Variants in TSFM observed in about 807,000 individuals in gnomAD.
TSFM encodes the protein elongation factor Ts, mitochondrial.
In TSFM, 29 loss-of-function variants were observed where a neutral mutation model predicts 33.4. That is an observed-to-expected ratio of 0.87 (90% CI 0.65 to 1.18). The LOEUF (loss-of-function observed/expected upper bound fraction) is 1.18, where lower values mean the gene tolerates loss of function less well. Among genes scored for constraint, TSFM ranks in the 50% most tolerant of loss-of-function variants. TSFM has a pLI of 0.00. For missense variants in TSFM, 394 were observed against 395.6 expected (o/e 1.00, Z 0.04); for synonymous variants, 178 against 163.5 (o/e 1.09, Z -0.68).
At position 57,793,592 on chromosome 12, in the gene TSFM, T is replaced by C. The variant is rs556297964; in HGVS notation, c.571+519T>C. On this transcript the variant is annotated intron_variant, in intron 5 of 5. Coordinates refer to ENST00000652027, the MANE Select transcript of TSFM (RefSeq NM_005726.6). ...ATTGCCAAGCTGTAACCAATTGTTATATCTAGGGAAACGGAGTCCTGGGGT... is the reference window on the plus strand; with the variant it reads ...ATTGCCAAGCTGTAACCAATTGTTACATCTAGGGAAACGGAGTCCTGGGGT... 5.6e-4 allele frequency among the ~76,000 whole-genome samples: 85 copies of C among 152,330 alleles called. 1 individual carries two copies. The highest frequency in any genetic ancestry group is 2.0e-3 in the African/African-American group (82 of 41,584).
rs910332537 is a variant in TSFM, at chr12:57,796,951, C to G, written c.*368C>G. 1.0e-6 allele frequency: 1 copy of G among 989,844 alleles called. No individual in the cohort carries two copies. Among genetic ancestry groups the G allele is most frequent in the Non-Finnish European group, 1.2e-6 (1 of 833,090 alleles). 61.3% of individuals were successfully genotyped at this position (989,844 alleles called of 1,614,324 possible). A position where few individuals can be genotyped will look rare whatever the true frequency, so the allele number is the denominator to read the frequency against. On this transcript the variant is annotated 3_prime_UTR_variant, in exon 6 of 6. Transcript: ENST00000652027. ...GTTTTTGCTTTGCGACACTGTGAAC[C>G]GTGCTTCTGCCTCGGAACCTCCCTA...
chr12:57,784,916 CTTTTTTTTTTT>C (rs1164168295), intron 2 of TSFM, among the ~76,000 whole-genome samples: 3 of 79,152 alleles, frequency 3.8e-5, no homozygotes, highest in African/African-American at 1.4e-4. Flanking sequence ...ATTGAAATAT[CTTTTTTTTTTT>C]TTTTTTTTTT....
Position 57,783,110 on chromosome 12 carries a change from G to C in TSFM, c.58G>C (p.Ala20Pro), listed in dbSNP as rs751714956. The C allele has an allele frequency of 6.8e-6, 11 of 1,608,316 alleles. No individual in the cohort carries two copies. The South Asian group carries it at 1.2e-4, about 18-fold the overall frequency. ...CTCATCCCTTTCTTATCTCATCTAG[G>C]CTGGGTCTCTTCTGCGTCAGTCGCC... is the stretch of plus-strand genomic sequence containing the variant. ...FLVARTGSYPAGSLLRQSPQP... is the reference protein window; with the variant it reads ...FLVARTGSYPPGSLLRQSPQP... Residue 20 changes from alanine to proline, a missense_variant and splice_region_variant, in exon 2 of 6, where the codon GCT (alanine) becomes CCT (proline). Ala to Pro is a conservative substitution (Grantham distance 27, BLOSUM62 -1). Transcript: ENST00000652027.
rs774870834 is a variant in TSFM, at chr12:57,783,128, C to T, written c.76C>T (p.Gln26Ter). The T allele has an allele frequency of 1.2e-6, 2 of 1,611,120 alleles. No individual in the cohort carries two copies. Among genetic ancestry groups the T allele is most frequent in the Non-Finnish European group, 1.7e-6 (2 of 1,179,670 alleles). The part of the protein sequence containing the change: ...GSYPAGSLLR[Q>*]SPQPRHTFYA... ...CATCTAGGCTGGGTCTCTTCTGCGT[C>T]AGTCGCCCCAGCCAAGGCACACATT... Residue 26 changes from glutamine to a stop codon, truncating the protein, a stop_gained, in exon 2 of 6, where the codon CAG becomes TAG. Transcript: ENST00000652027. LOFTEE classifies it high-confidence loss of function.
At chr12:57,791,050 G>C (rs1955656094) in intron 4 of TSFM, among the ~76,000 whole-genome samples, 1 of 149,590 alleles carries the variant, frequency 6.7e-6, no homozygotes, top group Non-Finnish European at 1.5e-5. Context: ...ACTCTCATTA[G>C]CCAGGCTGGA....
chr12:57,791,100 C>T (rs932414111), intron 4 of TSFM, among the ~76,000 whole-genome samples: 1 of 151,792 alleles, frequency 6.6e-6, no homozygotes, highest in Non-Finnish European at 1.5e-5. Context: ...GCCACCGCCT[C>T]CTGGGTTCAA....
At chr12:57,801,089 C>T (rs1955837464), downstream of TSFM, 1 of 1,464,108 alleles carries the variant, frequency 6.8e-7, no homozygotes, top group Non-Finnish European at 9.5e-7. Context: ...TTTGTGTGTT[C>T]TCTGGCTCTG....
downstream of TSFM, chr12:57,800,692 C>G (rs1019287682): frequency 6.5e-6 from 1 of 154,670 alleles, no homozygotes; most frequent in Admixed American, 6.3e-5. Context: ...ACAGCAACTT[C>G]CGCTTCCTGG....
intron 3 of TSFM, 113 bp from the exon 4 acceptor site, chr12:57,786,927 C>A: frequency 5.1e-6 from 6 of 1,180,436 alleles, no homozygotes; most frequent in Non-Finnish European, 2.3e-6. Flanking sequence ...CATTTTTTTT[C>A]CGTTGAGTCT....
At chr12:57,791,857 T>C in intron 4 of TSFM, 1 of 230,570 alleles carries the variant, frequency 4.3e-6, no homozygotes, top group South Asian at 4.3e-5. Context: ...TTTTATTAGA[T>C]ACTACAACTT....
Position 57,786,161 on chromosome 12 carries a change from A to G in TSFM, c.232-2A>G. ...TCTGCTCTTTTTCCTCTCAATTTAC[A>G]GGCAGAGATCTGGCTCCACAAGGAG... is the stretch of plus-strand genomic sequence containing the variant. On this transcript the variant is annotated splice_acceptor_variant, in intron 2 of 5. Coordinates refer to ENST00000652027, the MANE Select transcript of TSFM (RefSeq NM_005726.6). LOFTEE classifies it high-confidence loss of function. 1.9e-6 allele frequency: 3 copies of G among 1,600,354 alleles called. No homozygotes were observed. Among genetic ancestry groups the G allele is most frequent in the South Asian group, 2.3e-5 (2 of 88,838 alleles).
At chr12:57,783,406 G>A in intron 2 of TSFM, 123 bp downstream of exon 2, 1 of 1,250,408 alleles carries the variant, frequency 8.0e-7, no homozygotes, top group South Asian at 1.2e-5. Context: ...AGTCCTAAGT[G>A]GAAATCTGGC....
chr12:57,799,522 T>C (rs979182889), downstream of TSFM, among the ~76,000 whole-genome samples: 14 of 152,144 alleles, frequency 9.2e-5, no homozygotes, highest in African/African-American at 3.1e-4. Context: ...TGGAAACCAG[T>C]TGGATTGTAG....
chr12:57,783,982 A>C (rs1396947618), intron 2 of TSFM: 1 of 702,884 alleles, frequency 1.4e-6, no homozygotes, highest in African/African-American at 1.7e-5. Flanking sequence ...GTCTCTTAAT[A>C]GGAAGATACA....
At chr12:57,792,285 A>G (rs1955672941) in intron 4 of TSFM, among the ~76,000 whole-genome samples, 1 of 152,222 alleles carries the variant, frequency 6.6e-6, no homozygotes, top group Admixed American at 6.5e-5. Context: ...GCAGTGGCTT[A>G]CGCCTGTAAT....
At chr12:57,802,487 C>A, downstream of TSFM, 2 of 1,040,626 alleles carry the variant, frequency 1.9e-6, no homozygotes, top group South Asian at 2.7e-5. Context: ...CTAATTTGTT[C>A]AGCAGAGAAA....
Position 57,782,792 on chromosome 12 carries a change from G to C in TSFM, c.-10G>C, listed in dbSNP as rs1955527899. 1 of 1,586,152 alleles carries C rather than the reference G, an allele frequency of 6.3e-7. No homozygotes were observed. Among genetic ancestry groups the C allele is most frequent in the South Asian group, 1.2e-5 (1 of 86,868 alleles). On this transcript the variant is annotated 5_prime_UTR_variant, in exon 1 of 6. Transcript: ENST00000652027. Reference sequence around the variant, plus strand: ...GCGCCCGCCGGAGGGTGTTTATCGCGGCTAGAGAGATGTCGCTGCTGCGGT... The same window carrying C: ...GCGCCCGCCGGAGGGTGTTTATCGCCGCTAGAGAGATGTCGCTGCTGCGGT...
intron 4 of TSFM, among the ~76,000 whole-genome samples, chr12:57,790,949 G>C (rs1407607914): frequency 6.8e-6 from 1 of 147,732 alleles, no homozygotes; most frequent in Admixed American, 6.7e-5. Flanking sequence ...CAAGTGATCT[G>C]CCTGACTTGG....
chr12:57,789,032 C>T (rs1336626216), intron 4 of TSFM, among the ~76,000 whole-genome samples: 5 of 148,886 alleles, frequency 3.4e-5, no homozygotes, highest in African/African-American at 1.2e-4. Context: ...GGTGCCATCT[C>T]GCTCACTGCA....
Sources: allele counts gnomAD v4.1 joint callset (sites outside exome capture counted in the v4.1 genomes callset), GRCh38; gene constraint gnomAD v4.1.1; transcripts MANE v1.5; gene names NCBI Gene and HGNC (gene_info 2026-07-23, HGNC 2026-07-21).